Variants in ZFHX3 observed in about 807,000 individuals in gnomAD.
ZFHX3 encodes the protein zinc finger homeobox protein 3.
ZFHX3 carries 42 observed loss-of-function variants against 279.1 expected under a neutral mutation model. The ratio of observed to expected loss-of-function variants is 0.15; its 90% CI spans 0.12 to 0.19. The LOEUF is 0.19. ZFHX3 is among the 10% of genes least tolerant of loss of function. The pLI, the probability that ZFHX3 is intolerant of heterozygous loss-of-function variation, is 1.00. For missense variants in ZFHX3, 4,981 were observed against 4,754.0 expected (o/e 1.05, Z -1.40); for synonymous variants, 2,293 against 1,957.8 (o/e 1.17, Z -4.52).
At chr16:73,354,812 A>G (rs1192929705) in intron 3 of ZFHX3, among the ~76,000 whole-genome samples, 1 of 152,180 alleles carries the variant, frequency 6.6e-6, no homozygotes, top group Non-Finnish European at 1.5e-5. Flanking sequence ...CACCCTGAGT[A>G]TCTCCCGGCA....
intron 1 of ZFHX3, chr16:73,813,725 T>A (rs2244324): frequency 0.41 from 62,567 of 152,030 alleles, 13,375 homozygotes; most frequent in African/African-American, 0.53. Context: ...GCCGTGCCAA[T>A]GGTCATTAGC....
At chr16:73,722,981 T>C (rs1277903560) in intron 1 of ZFHX3, among the ~76,000 whole-genome samples, 1 of 152,198 alleles carries the variant, frequency 6.6e-6, no homozygotes, top group Non-Finnish European at 1.5e-5. Flanking sequence ...CTCACATGGC[T>C]TCCTGATAAG....
chr16:73,576,806 A>C (rs1020939061), intron 2 of ZFHX3, among the ~76,000 whole-genome samples: 1 of 152,144 alleles, frequency 6.6e-6, no homozygotes, highest in African/African-American at 2.4e-5. Flanking sequence ...TGTTGTAAAG[A>C]TTATTTCGTC....
At chr16:73,378,536 G>A (rs1451689797) in intron 3 of ZFHX3, among the ~76,000 whole-genome samples, 1 of 152,086 alleles carries the variant, frequency 6.6e-6, no homozygotes, top group Non-Finnish European at 1.5e-5. Flanking sequence ...AAATGCTAAA[G>A]GTTAAAAAAA....
chr16:73,434,576 G>C (rs940636159), intron 3 of ZFHX3, among the ~76,000 whole-genome samples: 1 of 151,646 alleles, frequency 6.6e-6, no homozygotes, highest in African/African-American at 2.4e-5. Context: ...CTTTCCACTT[G>C]ACTTTGTGCT....
At chr16:73,046,977 G>C (rs1317818930) in intron 1 of ZFHX3, among the ~76,000 whole-genome samples, 1 of 152,280 alleles carries the variant, frequency 6.6e-6, no homozygotes, top group East Asian at 1.9e-4. Context: ...AGGTACCACT[G>C]TGCCACGCAA....
At chr16:73,311,214 C>T (rs1211528863) in intron 4 of ZFHX3, among the ~76,000 whole-genome samples, 1 of 151,622 alleles carries the variant, frequency 6.6e-6, no homozygotes, top group Non-Finnish European at 1.5e-5. Flanking sequence ...GACTGGGGGA[C>T]AAGAGAGAGA....
At chr16:73,212,142 G>C (rs2144911054) in intron 5 of ZFHX3, among the ~76,000 whole-genome samples, 1 of 147,474 alleles carries the variant, frequency 6.8e-6, no homozygotes, top group Non-Finnish European at 1.5e-5. Flanking sequence ...AAAAAGTACA[G>C]AGAAAACAGA....
intron 1 of ZFHX3, among the ~76,000 whole-genome samples, chr16:73,041,849 G>A (rs571337017): frequency 1.3e-5 from 2 of 152,334 alleles, no homozygotes; most frequent in African/African-American, 4.8e-5. Flanking sequence ...TTGAGCCAAA[G>A]AGCATTTTAG....
chr16:73,818,943 G>T (rs1960656710), intron 1 of ZFHX3, among the ~76,000 whole-genome samples: 1 of 152,112 alleles, frequency 6.6e-6, no homozygotes. Context: ...TAATGCATCT[G>T]AACTATGCAA....
chr16:73,469,844 C>T (rs1241560290), intron 2 of ZFHX3, among the ~76,000 whole-genome samples: 2 of 152,086 alleles, frequency 1.3e-5, no homozygotes, highest in Non-Finnish European at 2.9e-5. Context: ...TCTCGAACTC[C>T]TGACCTCGTG....
At chr16:73,322,310 T>C (rs1273031205) in intron 3 of ZFHX3, among the ~76,000 whole-genome samples, 4 of 152,086 alleles carry the variant, frequency 2.6e-5, no homozygotes, top group Admixed American at 2.6e-4. Context: ...TGATATACTT[T>C]TCACACGTTT....
At chr16:72,812,294 G>C (rs1334613930) in intron 5 of ZFHX3, among the ~76,000 whole-genome samples, 1 of 152,126 alleles carries the variant, frequency 6.6e-6, no homozygotes, top group Non-Finnish European at 1.5e-5. Flanking sequence ...TGGAATAAAA[G>C]GCTCTGGAGT....
At position 73,026,144 on chromosome 16, in the gene ZFHX3, C is replaced by T. The variant is rs1281232842; in HGVS notation, c.-50+21608G>A. On this transcript the variant is annotated intron_variant, in intron 1 of 9. Coordinates refer to ENST00000268489, the MANE Select transcript of ZFHX3 (RefSeq NM_006885.4). The stretch of plus-strand genomic sequence containing the variant: ...GGTGGATCCCATGAGGTCAGGAGTT[C>T]GAGAATAGCCTGGCCAACATGGCAA... 2.1e-4 allele frequency among the ~76,000 whole-genome samples: 27 copies of T among 126,340 alleles called. 1 individual carries two copies. In the Admixed American group the frequency reaches 2.8e-3, roughly 13 times the overall value. 82.9% of individuals were successfully genotyped at this position (126,340 alleles called of 152,430 possible).
intron 4 of ZFHX3, among the ~76,000 whole-genome samples, chr16:72,845,944 G>A (rs1463971729): frequency 6.6e-6 from 1 of 152,156 alleles, no homozygotes; most frequent in East Asian, 1.9e-4. Flanking sequence ...TATGCTTAAT[G>A]GCTACCTCTA....
intron 3 of ZFHX3, among the ~76,000 whole-genome samples, chr16:73,334,783 T>A (rs1463375962): frequency 6.7e-6 from 1 of 150,220 alleles, no homozygotes; most frequent in Non-Finnish European, 1.5e-5. Context: ...GATAAGGAGA[T>A]CTCTTTTCCT....
intron 5 of ZFHX3, among the ~76,000 whole-genome samples, chr16:73,155,185 A>AAC (rs1555501459): frequency 1.3e-5 from 2 of 151,578 alleles, no homozygotes; most frequent in Admixed American, 6.6e-5. Flanking sequence ...AAAAACAAAA[A>AAC]AAAAAAAAAC....
chr16:73,228,679 T>A (rs2012678813), intron 5 of ZFHX3, among the ~76,000 whole-genome samples: 1 of 152,022 alleles, frequency 6.6e-6, no homozygotes, highest in South Asian at 2.1e-4. Flanking sequence ...CAAGACCAAA[T>A]GAAAACCACT....
In ZFHX3 at chr16:73,733,646, G is replaced by A. The variant is rs181334829; in HGVS notation, c.-1607-53406C>T. ...GTTGACTACTTTAAAGTCAACCTAA[G>A]TGTTGTATAATATTAATTTTGTCAA... On this transcript the variant is annotated intron_variant, in intron 1 of 17. Transcript: ENST00000641206. Among the ~76,000 whole-genome samples the A allele has an allele frequency of 4.7e-4, 71 of 152,240 alleles. No homozygotes were observed. In the East Asian group the frequency reaches 0.012, roughly 25 times the overall value.
Sources: gnomAD v4.1 joint callset for allele counts (sites outside exome capture counted in the v4.1 genomes callset) on GRCh38, gnomAD v4.1.1 for gene constraint, MANE v1.5 for transcripts, NCBI Gene and HGNC (gene_info 2026-07-23, HGNC 2026-07-21) for gene names.